Variants in BANP observed in about 807,000 individuals in gnomAD.
BANP encodes the protein protein BANP.
Under a neutral mutation model 68.1 loss-of-function variants are expected in BANP, and 11 were observed. That is an observed-to-expected ratio of 0.16 (90% confidence interval 0.10 to 0.27). BANP has a LOEUF of 0.27. Among genes scored for constraint, BANP ranks in the 10% least tolerant of loss-of-function variants. The pLI is 1.00. For missense variants in BANP, 504 were observed against 722.7 expected, an observed-to-expected ratio of 0.70 and a Z score of 3.47; for synonymous variants, 329 against 303.2, an observed-to-expected ratio of 1.09 and a Z score of -0.88.
chr16:87,965,613 G>C, intron 1 of BANP, among the ~76,000 whole-genome samples: 1 of 138,930 alleles, frequency 7.2e-6, no homozygotes, highest in East Asian at 2.0e-4. Context: ...TGGCTGGGCG[G>C]GGCTGGGCGG....
At chr16:88,031,504 C>G (rs1405736478) in intron 8 of BANP, among the ~76,000 whole-genome samples, 1 of 151,830 alleles carries the variant, frequency 6.6e-6, no homozygotes, top group Non-Finnish European at 1.5e-5. Context: ...AAAAAATTAG[C>G]CCAGCATGAT....
chr16:87,981,724 C>T (rs1188302335), intron 3 of BANP, among the ~76,000 whole-genome samples: 1 of 152,226 alleles, frequency 6.6e-6, no homozygotes, highest in East Asian at 1.9e-4. Context: ...TTCCCACACA[C>T]CTGCAGGCCC....
intron 1 of BANP, chr16:87,952,640 GC>G (rs2057191137): frequency 6.6e-6 from 1 of 152,184 alleles, no homozygotes; most frequent in Admixed American, 6.5e-5. Flanking sequence ...CATTTAACAC[GC>G]AGCTCGCAGA....
At chr16:88,020,155 C>T (rs541301361) in intron 7 of BANP, among the ~76,000 whole-genome samples, 41 of 152,352 alleles carry the variant, frequency 2.7e-4, no homozygotes, top group African/African-American at 9.9e-4. Flanking sequence ...CAGGGGTCAC[C>T]CTCAGCCTTC....
intron 6 of BANP, among the ~76,000 whole-genome samples, chr16:88,006,492 C>G (rs1343192477): frequency 2.0e-5 from 3 of 150,742 alleles, no homozygotes; most frequent in Admixed American, 6.6e-5. Flanking sequence ...ACTGAAAATA[C>G]AAAATTAGCC....
At chr16:88,074,523 G>A (rs1319382089) in intron 13 of BANP, among the ~76,000 whole-genome samples, 1 of 152,110 alleles carries the variant, frequency 6.6e-6, no homozygotes, top group Non-Finnish European at 1.5e-5. Context: ...TGTAGCAGAG[G>A]CAGCACCTCC....
intron 4 of BANP, among the ~76,000 whole-genome samples, chr16:87,994,978 C>T (rs578025049): frequency 1.8e-4 from 27 of 152,300 alleles, no homozygotes; most frequent in Admixed American, 1.3e-3. Context: ...GGTCCTCCCA[C>T]AACTGCCCTG....
chr16:87,969,749 G>A (rs1291423521), intron 1 of BANP, among the ~76,000 whole-genome samples: 2 of 151,894 alleles, frequency 1.3e-5, no homozygotes, highest in Admixed American at 1.3e-4. Flanking sequence ...GGCTAGGCTG[G>A]TCTCGAACAC....
intron 4 of BANP, among the ~76,000 whole-genome samples, chr16:87,987,736 AAAAG>A (rs1316776095): frequency 2.7e-5 from 4 of 149,626 alleles, no homozygotes; most frequent in African/African-American, 7.4e-5. Flanking sequence ...AAAAAAAAAA[AAAAG>A]GATGTTATTA....
At chr16:88,044,335 G>A (rs953958517) in intron 11 of BANP, among the ~76,000 whole-genome samples, 4 of 152,144 alleles carry the variant, frequency 2.6e-5, no homozygotes, top group Non-Finnish European at 5.9e-5. Context: ...CAGGACAACA[G>A]GCCACAGCGA....
chr16:88,054,586 A>ACAGCAC (rs377637408), intron 11 of BANP, among the ~76,000 whole-genome samples: 36 of 152,172 alleles, frequency 2.4e-4, no homozygotes, highest in Non-Finnish European at 3.8e-4. Flanking sequence ...ACAGCCATCA[A>ACAGCAC]CAGCACCAGC....
intron 11 of BANP, among the ~76,000 whole-genome samples, chr16:88,044,912 G>A (rs112956479): frequency 0.044 from 6,644 of 152,168 alleles, 244 homozygotes; most frequent in Non-Finnish European, 0.059. Context: ...AACCCTGGAG[G>A]CGGAGCTTGC....
intron 1 of BANP, 35 bp downstream of exon 1, chr16:87,951,550 C>G (rs1361718181): frequency 1.3e-5 from 2 of 152,712 alleles, no homozygotes; most frequent in Non-Finnish European, 2.9e-5. Context: ...CGCGCCTCCG[C>G]CTCCCCCTTC....
intron 4 of BANP, among the ~76,000 whole-genome samples, chr16:87,984,797 C>G (rs1243784997): frequency 6.6e-6 from 1 of 152,200 alleles, no homozygotes; most frequent in Non-Finnish European, 1.5e-5. Flanking sequence ...TCCACTCATC[C>G]GAGGCTTCCT....
chr16:88,032,497 C>T (rs12919280), intron 8 of BANP, among the ~76,000 whole-genome samples: 41,241 of 152,160 alleles, frequency 0.27, 7,257 homozygotes, highest in Non-Finnish European at 0.41. Flanking sequence ...CCACCGTGTC[C>T]GGACTACATT....
In BANP at chr16:88,004,969, A is replaced by G. The variant is rs1162564136; in HGVS notation, c.479+558A>G. 6.6e-6 allele frequency among the ~76,000 whole-genome samples: 1 copy of G among 152,168 alleles called. No homozygotes were observed. The highest frequency in any genetic ancestry group is 2.4e-5 in the African/African-American group (1 of 41,424). On this transcript the variant is annotated intron_variant, in intron 5 of 13. Transcript: ENST00000682872. This position sits in a 1 kb window ranked among gnomAD's most constrained non-coding sequence, Gnocchi z 7.0. ...GCATCCAAGCCCTGCTGTCCCCAGG[A>G]GTGCCCCTGGGGCTGCGTGAACCCC...
At chr16:88,025,230 G>A (rs1167896131) in intron 7 of BANP, among the ~76,000 whole-genome samples, 2 of 152,178 alleles carry the variant, frequency 1.3e-5, no homozygotes, top group Admixed American at 1.3e-4. Context: ...TTTGAAAGCT[G>A]GGTTTTCCGG....
intron 3 of BANP, among the ~76,000 whole-genome samples, chr16:87,983,802 C>T (rs912674396): frequency 2.0e-5 from 3 of 152,086 alleles, no homozygotes; most frequent in African/African-American, 7.3e-5. Flanking sequence ...TGGGCTTAAC[C>T]AAGAATTGCA....
intron 1 of BANP, among the ~76,000 whole-genome samples, chr16:87,972,076 A>G (rs1020910813): frequency 1.3e-5 from 2 of 152,194 alleles, no homozygotes; most frequent in African/African-American, 2.4e-5. Context: ...TACAGGCATG[A>G]GCCACTGTGC....
Sources: allele counts gnomAD v4.1 joint callset (sites outside exome capture counted in the v4.1 genomes callset), GRCh38; gene constraint gnomAD v4.1.1; non-coding constraint Gnocchi (gnomAD v3.1); transcripts MANE v1.5; gene names NCBI Gene and HGNC (gene_info 2026-07-23, HGNC 2026-07-21).